C2: variants seen among roughly 807,000 people sequenced by gnomAD.
C2 encodes C3/C5 convertase.
A neutral mutation model predicts 85.2 loss-of-function variants in C2; 64 were observed. The ratio of observed to expected loss-of-function variants is 0.75; its 90% CI spans 0.61 to 0.92. The LOEUF (loss-of-function observed/expected upper bound fraction) is 0.92, where lower values mean the gene tolerates loss of function less well. Ranked by LOEUF, C2 falls within the 40% of genes least tolerant of loss-of-function variation. C2 has a pLI of 0.00. For synonymous variants in C2, 311 were observed against 370.8 expected (o/e 0.84, Z 1.85); for missense variants, 820 against 971.6 (o/e 0.84, Z 2.07).
intron 1 of C2, among the ~76,000 whole-genome samples, chr6:31,909,534 G>A (rs56192194): frequency 2.0e-5 from 3 of 151,650 alleles, no homozygotes; most frequent in African/African-American, 4.9e-5. Flanking sequence ...CAAGGGATCC[G>A]CCTGCCTTGG....
chr6:31,938,468 A>G (rs1485256344), intron 8 of C2, among the ~76,000 whole-genome samples: 2 of 144,656 alleles, frequency 1.4e-5, no homozygotes, highest in African/African-American at 2.6e-5. Flanking sequence ...ATATATATAT[A>G]TATGTATACA....
intron 3 of C2, among the ~76,000 whole-genome samples, chr6:31,929,523 A>G (rs1769551155): frequency 6.6e-6 from 1 of 151,482 alleles, no homozygotes; most frequent in Admixed American, 6.6e-5. Flanking sequence ...GTTTGAGACC[A>G]GCTTGGCCAA....
upstream of C2, chr6:31,897,970 G>A (rs911385018): frequency 9.2e-6 from 9 of 977,914 alleles, no homozygotes; most frequent in African/African-American, 1.6e-4. Context: ...TGAACTTCTC[G>A]GCTCTCGGCA....
intron 7 of C2, 28 bp from the exon 8 acceptor site, chr6:31,937,291 G>A: frequency 6.2e-7 from 1 of 1,611,678 alleles, no homozygotes; most frequent in Non-Finnish European, 8.5e-7. Context: ...AAGTTTCTAA[G>A]AGAGTCCTTC....
upstream of C2, chr6:31,927,419 T>C (rs1769338388): frequency 8.5e-7 from 1 of 1,179,638 alleles, no homozygotes; most frequent in Non-Finnish European, 1.1e-6. This position sits in a 1 kb window ranked among gnomAD's most constrained non-coding sequence, Gnocchi z 4.7. Context: ...AAATATGTGT[T>C]TGCCTGCGTG....
intron 1 of C2, among the ~76,000 whole-genome samples, chr6:31,912,898 A>C (rs901515091): frequency 1.3e-5 from 2 of 151,412 alleles, no homozygotes; most frequent in Middle Eastern, 3.2e-3. Context: ...TGTGATGGTT[A>C]ATTTTATGTG....
At chr6:31,914,358 C>T (rs1160655213) in intron 1 of C2, among the ~76,000 whole-genome samples, 11 of 104,756 alleles carry the variant, frequency 1.1e-4, no homozygotes, top group African/African-American at 2.2e-4. Flanking sequence ...TTTGGGAGGC[C>T]GAGGTGGGCG....
chr6:31,902,345 C>T (rs1239601566), intron 1 of C2, among the ~76,000 whole-genome samples: 2 of 151,924 alleles, frequency 1.3e-5, no homozygotes, highest in African/African-American at 4.8e-5. Flanking sequence ...CCAATCCCGG[C>T]TGCCCATGGC....
exon 1 of C2, chr6:31,901,071 G>C (rs773982900): frequency 6.2e-7 from 1 of 1,614,174 alleles, no homozygotes. Flanking sequence ...GCCACGATGC[G>C]TGCACTGTGC....
intron 1 of C2, among the ~76,000 whole-genome samples, chr6:31,907,845 T>TTTG (rs1474274901): frequency 7.3e-6 from 1 of 137,048 alleles, no homozygotes; most frequent in African/African-American, 2.8e-5. Flanking sequence ...TTCTGGCTTT[T>TTTG]TTTTTTTTTT....
upstream of C2, among the ~76,000 whole-genome samples, chr6:31,898,950 G>T (rs1255678996): frequency 6.6e-6 from 1 of 152,000 alleles, no homozygotes; most frequent in Non-Finnish European, 1.5e-5. Context: ...TTTAGGGCTG[G>T]GCTCCTTCAG....
In C2 at chr6:31,928,142, T is replaced by C. The variant is rs1736540802; in HGVS notation, c.234T>C (p.Ser78=). Residue 78 remains serine, a synonymous_variant, in exon 2 of 18, where the codon TCT becomes TCC. Transcript: ENST00000299367. ...GGCAGACCCCAGGAGCCACCCGGTCTCTGTCTAAGGCGGTCTGCAAACGTG... is the reference window on the plus strand; with the variant it reads ...GGCAGACCCCAGGAGCCACCCGGTCCCTGTCTAAGGCGGTCTGCAAACGTG... The part of the protein sequence containing the change: ...GQWQTPGATR[S]LSKAVCKPVR... 2 of 1,611,452 alleles carry C rather than the reference T, an allele frequency of 1.2e-6. No individual in the cohort carries two copies.
chr6:31,905,036 TC>T (rs1194375871), intron 1 of C2, among the ~76,000 whole-genome samples: 2 of 152,116 alleles, frequency 1.3e-5, no homozygotes, highest in African/African-American at 4.8e-5. Flanking sequence ...TGTCCCTTCT[TC>T]CCCAACTTCT....
intron 3 of C2, among the ~76,000 whole-genome samples, chr6:31,930,371 G>T (rs1364070347): frequency 6.6e-6 from 1 of 152,054 alleles, no homozygotes; most frequent in Non-Finnish European, 1.5e-5. Flanking sequence ...CGTGAGCCAC[G>T]GCATCCGGCC....
In C2 at chr6:31,943,203, C is replaced by T; in HGVS notation, c.1361-22C>T. The stretch of plus-strand genomic sequence containing the variant: ...AGTGCCCCTCACTTGCCTCCTTCCC[C>T]ATCTGATCCTCACACCCACAGATGT... On this transcript the variant is annotated intron_variant, in intron 10 of 17. Transcript: ENST00000299367. This position sits in a 1 kb window ranked among gnomAD's most constrained non-coding sequence, Gnocchi z 6.4. The T allele has an allele frequency of 1.9e-6, 3 of 1,612,734 alleles. No homozygotes were observed. The highest frequency in any genetic ancestry group is 2.5e-6 in the Non-Finnish European group (3 of 1,179,746).
chr6:31,930,043 CA>C (rs1409606069), intron 3 of C2, among the ~76,000 whole-genome samples: 3 of 147,504 alleles, frequency 2.0e-5, no homozygotes, highest in Non-Finnish European at 4.5e-5. Flanking sequence ...AAACAAAAAA[CA>C]AAAAAAACAG....
chr6:31,943,648 C>A lies in C2; in HGVS notation c.1572C>A (p.Asp524Glu), dbSNP rs1258425617. 6.2e-7 allele frequency: 1 copy of A among 1,613,056 alleles called. No individual in the cohort carries two copies. The highest frequency in any genetic ancestry group is 1.1e-5 in the South Asian group (1 of 91,086). The part of the protein sequence containing the change: ...DHSLWRVNVG[D>E]PKSQWGKEFL... Reference sequence around the variant, plus strand: ...AATCTAGTGTATCATTTCCAGGAGACCCCAAATCCCAGTGGGGCAAAGAAT... The same window carrying A: ...AATCTAGTGTATCATTTCCAGGAGAACCCAAATCCCAGTGGGGCAAAGAAT... The change falls in exon 13 of 18, where the codon GAC (aspartate) becomes GAA (glutamate). Residue 524 changes from aspartate (D) to glutamate (E), a missense_variant. By Grantham distance (45) the Asp-to-Glu change is conservative (BLOSUM62 2). Coordinates refer to ENST00000299367, the MANE Select transcript of C2 (RefSeq NM_000063.6). The surrounding 1 kb of genome is among the most constrained non-coding windows in gnomAD (Gnocchi z 6.4).
rs1393398860 is a variant in C2 at position 31,904,379 on chromosome 6, T to C, written c.73+3240T>C. Among the ~76,000 whole-genome samples the C allele has an allele frequency of 6.6e-6, 1 of 152,088 alleles. No individual in the cohort carries two copies. The highest frequency in any genetic ancestry group is 1.5e-5 in the Non-Finnish European group (1 of 68,036). Reference sequence around the variant, plus strand: ...CCCAGGCTGGAGTGCAATAGCACGATCTTGGCTCACTGCAACCTCCGCTTC... The same window carrying C: ...CCCAGGCTGGAGTGCAATAGCACGACCTTGGCTCACTGCAACCTCCGCTTC... On this transcript the variant is annotated intron_variant, in intron 1 of 3. Transcript: ENST00000452202. This position sits in a 1 kb window ranked among gnomAD's most constrained non-coding sequence, Gnocchi z 4.4.
rs775945434 is a variant in C2 at position 31,939,232 on chromosome 6, A to G, written c.1131A>G (p.Gly377=). Residue 377 remains glycine, a splice_region_variant and synonymous_variant, in exon 9 of 18, where the codon GGA becomes GGG. Coordinates refer to ENST00000299367, the MANE Select transcript of C2 (RefSeq NM_000063.6). Reference sequence around the variant, plus strand: ...AATTCTTTATTCTCTTTGTTCTAGGAAAGTCCAATATGGGTGGCTCTCCCA... The same window carrying G: ...AATTCTTTATTCTCTTTGTTCTAGGGAAGTCCAATATGGGTGGCTCTCCCA... ...IRHAIILLTD[G]KSNMGGSPKT... 2 of 1,605,656 alleles carry G rather than the reference A, an allele frequency of 1.2e-6. No individual in the cohort carries two copies. Among genetic ancestry groups the G allele is most frequent in the Admixed American group, 1.7e-5 (1 of 60,010 alleles).
Sources: gnomAD v4.1 joint callset for allele counts (sites outside exome capture counted in the v4.1 genomes callset) on GRCh38, gnomAD v4.1.1 for gene constraint, Gnocchi (gnomAD v3.1) non-coding constraint, MANE v1.5 for transcripts, NCBI Gene and HGNC (gene_info 2026-07-23, HGNC 2026-07-21) for gene names.